NAA25: variants seen among roughly 807,000 people sequenced by gnomAD.
NAA25 encodes the protein N-terminal acetyltransferase B complex subunit NAA25.
Under a neutral mutation model 132.5 loss-of-function variants are expected in NAA25, and 30 were observed. The observed-to-expected ratio is 0.23, with a 90% CI of 0.17 to 0.31. The LOEUF (loss-of-function observed/expected upper bound fraction) is 0.31, where lower values mean the gene tolerates loss of function less well. Ranked by LOEUF, NAA25 falls within the 10% of genes least tolerant of loss-of-function variation. The probability of loss-of-function intolerance (pLI) is 1.00; values close to 1 mark genes in which losing one functional copy is unlikely to be tolerated. For synonymous variants in NAA25, 359 were observed against 401.9 expected (o/e 0.89, Z 1.28); for missense variants, 771 against 1,150.4 (o/e 0.67, Z 4.77).
At chr12:112,106,278 C>T (rs2079360440) in intron 1 of NAA25, among the ~76,000 whole-genome samples, 1 of 152,058 alleles carries the variant, frequency 6.6e-6, no homozygotes, top group South Asian at 2.1e-4. Flanking sequence ...TCCCATTAGA[C>T]AGTCAAAACA....
chr12:112,068,943 T>C lies in NAA25; in HGVS notation c.1086A>G (p.Lys362=). The C allele has an allele frequency of 6.2e-7, 1 of 1,613,522 alleles. No homozygotes were observed. The highest frequency in any genetic ancestry group is 1.1e-5 in the South Asian group (1 of 90,984). The part of the protein sequence containing the change: ...MFQYFKKFGD[K]PCCFTDLKVF... ...CCTTAAGGTCTGTAAAACAACAAGG[T>C]TTATCGCCAAACTTTTTAAAATACT... The change falls in exon 11 of 24, where the codon AAA becomes AAG. Residue 362 remains lysine (K), a synonymous_variant. Transcript: ENST00000261745.
intron 11 of NAA25, among the ~76,000 whole-genome samples, chr12:112,063,662 T>C (rs2078670898): frequency 1.3e-5 from 2 of 152,154 alleles, no homozygotes; most frequent in East Asian, 1.9e-4. Context: ...CCTAAGTGTA[T>C]TGGGGGAAAT....
chr12:112,075,650 A>T, intron 8 of NAA25, 28 bp downstream of exon 8: 2 of 1,579,534 alleles, frequency 1.3e-6, no homozygotes, highest in Non-Finnish European at 1.7e-6. Context: ...ACTACAGTCA[A>T]ATGGTACAAA....
At position 112,031,867 on chromosome 12, in the gene NAA25, C is replaced by T. The variant is rs146152866; in HGVS notation, c.2796+1366G>A. Among the ~76,000 whole-genome samples, 44 of 151,750 alleles carry T rather than the reference C, an allele frequency of 2.9e-4. 1 individual carries two copies. Among genetic ancestry groups the T allele is most frequent in the African/African-American group, 1.0e-3 (42 of 41,384 alleles). ...TACCTGGTGAAAACCAATTAATCTT[C>T]CTCAAATGTCCCCACTCTTCATTAA... On this transcript the variant is annotated intron_variant, in intron 23 of 23. Transcript: ENST00000261745.
intron 17 of NAA25, among the ~76,000 whole-genome samples, chr12:112,046,308 T>C (rs2078380450): frequency 6.6e-6 from 1 of 152,230 alleles, no homozygotes; most frequent in Admixed American, 6.5e-5. Flanking sequence ...ATACTCAGTG[T>C]TTCCCCTCAG....
chr12:112,091,716 A>G (rs1418375761), intron 2 of NAA25, among the ~76,000 whole-genome samples: 1 of 151,504 alleles, frequency 6.6e-6, no homozygotes, highest in Non-Finnish European at 1.5e-5. Flanking sequence ...AAAAAAAAAA[A>G]GCCAGGCATG....
Position 112,081,105 on chromosome 12 carries a change from G to C in NAA25, c.432C>G (p.Pro144=). 1 of 1,613,304 alleles carries C rather than the reference G, an allele frequency of 6.2e-7. No individual in the cohort carries two copies. The highest frequency in any genetic ancestry group is 8.5e-7 in the Non-Finnish European group (1 of 1,179,338). The change falls in exon 5 of 24, where the codon CCC becomes CCG. Residue 144 remains proline, a synonymous_variant. Transcript: ENST00000261745. ...QAGMALYKIV[P]KNPYYFWSVM... ...CAGACCAAAAGTAGTAGGGATTTTT[G>C]GGGACAATCTTATATAGAGCCATGC...
chr12:112,068,736 A>G (rs2078756355), intron 11 of NAA25, 144 bp downstream of exon 11: 1 of 519,244 alleles, frequency 1.9e-6, no homozygotes, highest in Non-Finnish European at 3.4e-6. Flanking sequence ...TGTAACACAT[A>G]GAGTACTTAG....
At chr12:112,071,603 A>C (rs2078809384) in intron 10 of NAA25, among the ~76,000 whole-genome samples, 1 of 152,214 alleles carries the variant, frequency 6.6e-6, no homozygotes, top group Non-Finnish European at 1.5e-5. Flanking sequence ...AAGTGCTGGG[A>C]TTACAGGCGT....
chr12:112,057,129 AG>A (rs1317322139), intron 13 of NAA25, among the ~76,000 whole-genome samples: 1 of 152,200 alleles, frequency 6.6e-6, no homozygotes, highest in African/African-American at 2.4e-5. Context: ...CAGAGGTTGC[AG>A]TGAGCCAAGA....
In NAA25 at chr12:112,090,861, A is replaced by C; in HGVS notation, c.148T>G (p.Leu50Val). ...GTTCTCTGTAAACCAATTGCCTTTA[A>C]AACCTGATAGCAACAAAAGAAAAAT... is the stretch of plus-strand genomic sequence containing the variant. The part of the protein sequence containing the change: ...KHKDLHCAKV[L>V]KAIGLQRTGK... The change falls in exon 3 of 24, where the codon TTA (leucine) becomes GTA (valine). Residue 50 changes from leucine (L) to valine (V), a missense_variant. Physicochemically the swap from Leu to Val is conservative, Grantham distance 32. Coordinates refer to ENST00000261745, the MANE Select transcript of NAA25 (RefSeq NM_024953.4). The C allele has an allele frequency of 6.3e-7, 1 of 1,596,436 alleles. No homozygotes were observed. Among genetic ancestry groups the C allele is most frequent in the Non-Finnish European group, 8.5e-7 (1 of 1,175,182 alleles).
intron 11 of NAA25, among the ~76,000 whole-genome samples, chr12:112,062,709 A>C (rs886265820): frequency 2.0e-5 from 3 of 150,716 alleles, no homozygotes. Flanking sequence ...CTGGGCAACA[A>C]GAGTGAAACT....
chr12:112,097,255 G>A (rs190578661), intron 1 of NAA25: 1 of 152,294 alleles, frequency 6.6e-6, no homozygotes, highest in African/African-American at 2.4e-5. Flanking sequence ...GGCAGCTCCA[G>A]AATTTCTATT....
chr12:112,029,950 C>T (rs916897000), intron 23 of NAA25, among the ~76,000 whole-genome samples: 1 of 152,136 alleles, frequency 6.6e-6, no homozygotes, highest in Non-Finnish European at 1.5e-5. Context: ...CGGTGGCTCA[C>T]GCCTGTAATT....
chr12:112,102,319 G>A (rs151331326), intron 1 of NAA25, among the ~76,000 whole-genome samples: 2 of 152,124 alleles, frequency 1.3e-5, no homozygotes, highest in East Asian at 3.9e-4. Flanking sequence ...GCTGCAGTGA[G>A]CCATGTTCAC....
At chr12:112,095,254 G>A (rs975373243) in intron 1 of NAA25, among the ~76,000 whole-genome samples, 11 of 151,904 alleles carry the variant, frequency 7.2e-5, no homozygotes, top group East Asian at 2.0e-4. Flanking sequence ...TGGCTAACAC[G>A]GTGAAACCCC....
intron 1 of NAA25, among the ~76,000 whole-genome samples, chr12:112,102,571 T>C (rs2079308872): frequency 6.6e-6 from 1 of 152,208 alleles, no homozygotes; most frequent in Non-Finnish European, 1.5e-5. Context: ...GAATAGTTTT[T>C]TGTTTATTTG....
chr12:112,085,000 G>C (rs186974073), intron 4 of NAA25, among the ~76,000 whole-genome samples: 75 of 152,198 alleles, frequency 4.9e-4, no homozygotes, highest in Non-Finnish European at 8.5e-4. Flanking sequence ...GGGAGGCTGA[G>C]GCAGGTGGGT....
chr12:112,108,759 G>T lies in NAA25; in HGVS notation c.15C>A (p.Gly5=). The T allele has an allele frequency of 6.6e-7, 1 of 1,525,218 alleles. No individual in the cohort carries two copies. Among genetic ancestry groups the T allele is most frequent in the Non-Finnish European group, 8.8e-7 (1 of 1,133,084 alleles). 94.5% of individuals were successfully genotyped at this position (1,525,218 alleles called of 1,614,324 possible). MATR[G]HVQDPNDRRL... ...GCCTGTCGTTAGGGTCCTGCACATG[G>T]CCCCGCGTCGCCATGATGACAAGCG... Residue 5 remains glycine (G), a synonymous_variant, in exon 1 of 24, where the codon GGC becomes GGA. Transcript: ENST00000261745.
Sources: gnomAD v4.1 joint callset for allele counts (sites outside exome capture counted in the v4.1 genomes callset) on GRCh38, gnomAD v4.1.1 for gene constraint, MANE v1.5 for transcripts, NCBI Gene and HGNC (gene_info 2026-07-23, HGNC 2026-07-21) for gene names.